PRSS55: variants seen among roughly 807,000 people sequenced by gnomAD.
PRSS55 encodes serine protease 55.
Under a neutral mutation model 23.6 loss-of-function variants are expected in PRSS55, and 41 were observed. The ratio of observed to expected loss-of-function variants is 1.74; its 90% confidence interval spans 1.35 to 2.26. The LOEUF (loss-of-function observed/expected upper bound fraction) is 2.26, where lower values mean the gene tolerates loss of function less well. PRSS55 is among the 30% of genes most tolerant of loss of function. The pLI, the probability that PRSS55 is intolerant of heterozygous loss-of-function variation, is 0.00. For missense variants in PRSS55, 669 were observed against 439.1 expected (o/e 1.52, Z -4.68); for synonymous variants, 262 against 175.5 (o/e 1.49, Z -3.90).
intron 3 of PRSS55, 113 bp from the exon 4 acceptor site, chr8:10,532,793 A>G (rs1812315606): frequency 1.5e-6 from 2 of 1,343,342 alleles, no homozygotes; most frequent in Admixed American, 2.0e-5. Flanking sequence ...AGAGCCTGTG[A>G]AGGAAGGGGA....
At chr8:10,549,798 T>C (rs531333541) in intron 4 of PRSS55, among the ~76,000 whole-genome samples, 22 of 152,334 alleles carry the variant, frequency 1.4e-4, no homozygotes, top group Middle Eastern at 3.4e-3. Context: ...CTCTGTCATT[T>C]CTCTAAACTG....
At chr8:10,554,041 T>A (rs1375431622) in exon 5 of PRSS55, 1 of 1,516,866 alleles carries the variant, frequency 6.6e-7, no homozygotes, top group Non-Finnish European at 8.8e-7. Flanking sequence ...GATGCTTTGC[T>A]CTTTCTTCTA....
intron 4 of PRSS55, among the ~76,000 whole-genome samples, chr8:10,535,618 A>G (rs1438235096): frequency 6.6e-6 from 1 of 152,242 alleles, no homozygotes; most frequent in East Asian, 1.9e-4. Flanking sequence ...GAAAACACTA[A>G]AAGAAAGTCA....
chr8:10,534,153 G>T (rs1001285949), intron 4 of PRSS55, among the ~76,000 whole-genome samples: 2 of 152,076 alleles, frequency 1.3e-5, no homozygotes, highest in African/African-American at 4.8e-5. Context: ...CATGCACACA[G>T]AATTGAGACT....
At chr8:10,529,374 A>G (rs1383464629) in intron 1 of PRSS55, 133 bp from the exon 2 acceptor site, 3 of 897,612 alleles carry the variant, frequency 3.3e-6, no homozygotes, top group Non-Finnish European at 3.7e-6. Context: ...CGGCAGCCTC[A>G]GTGAGCTCCT....
intron 4 of PRSS55, among the ~76,000 whole-genome samples, chr8:10,545,766 T>C (rs1351453262): frequency 6.6e-6 from 1 of 152,208 alleles, no homozygotes; most frequent in Non-Finnish European, 1.5e-5. Context: ...CAGTAAAAAC[T>C]CACAAAGCAT....
At chr8:10,529,779 GCTGAGAGGAAC>G in intron 2 of PRSS55, 80 bp downstream of exon 2, 1 of 1,397,172 alleles carries the variant, frequency 7.2e-7, no homozygotes, top group Non-Finnish European at 9.9e-7. Context: ...ACACCTGGTG[GCTGAGAGGAAC>G]CTGCGACTGC....
chr8:10,550,713 TG>T (rs1484313522), intron 4 of PRSS55, among the ~76,000 whole-genome samples: 1 of 152,206 alleles, frequency 6.6e-6, no homozygotes, highest in African/African-American at 2.4e-5. Context: ...TGTGTTACCT[TG>T]GTTTTTACTG....
At chr8:10,532,577 T>C (rs1384812023) in intron 3 of PRSS55, among the ~76,000 whole-genome samples, 1 of 152,202 alleles carries the variant, frequency 6.6e-6, no homozygotes, top group East Asian at 1.9e-4. Flanking sequence ...GGCAAATGTA[T>C]TGATATGGCA....
chr8:10,531,599 A>T, intron 3 of PRSS55, 54 bp downstream of exon 3: 1 of 1,597,406 alleles, frequency 6.3e-7, no homozygotes, highest in Non-Finnish European at 8.5e-7. Flanking sequence ...TGTGAAGGAG[A>T]GGGGAGGAAG....
downstream of PRSS55, among the ~76,000 whole-genome samples, chr8:10,543,029 C>G (rs1197643734): frequency 6.6e-6 from 1 of 152,122 alleles, no homozygotes; most frequent in Non-Finnish European, 1.5e-5. Flanking sequence ...TCTGATGTCA[C>G]CTTTCTCAAG....
rs1812004750 is a variant in PRSS55 at position 10,525,889 on chromosome 8, C to T, written c.154+150C>T. The stretch of plus-strand genomic sequence containing the variant: ...CACTTGTCCTTTCTCTCCTCTCTCC[C>T]CTGGCCCAGTGTTTGACTTGTCTAA... On this transcript the variant is annotated intron_variant, in intron 1 of 4. Coordinates refer to ENST00000328655, the MANE Select transcript of PRSS55 (RefSeq NM_198464.4). The T allele has an allele frequency of 6.8e-6, 6 of 884,620 alleles. No homozygotes were observed. The East Asian group carries it at 1.6e-4, about 24-fold the overall frequency. The allele number at this position is 884,620 out of a possible 1,614,324, so 54.8% of individuals were successfully genotyped here.
chr8:10,553,005 T>C (rs935031901), intron 4 of PRSS55, among the ~76,000 whole-genome samples: 9 of 152,218 alleles, frequency 5.9e-5, no homozygotes, highest in South Asian at 2.1e-4. Flanking sequence ...AGACATGAGA[T>C]GTGGTTTAGT....
At chr8:10,538,877 C>A, downstream of PRSS55, 1 of 1,362,670 alleles carries the variant, frequency 7.3e-7, no homozygotes, top group African/African-American at 1.5e-5. Flanking sequence ...CAGCTCAGGG[C>A]TCAAGGATGG....
downstream of PRSS55, among the ~76,000 whole-genome samples, chr8:10,543,445 A>T (rs201615793): frequency 0.16 from 3,918 of 24,158 alleles, 227 homozygotes; most frequent in Middle Eastern, 0.34. Flanking sequence ...CCTTCCTTCC[A>T]TCCTTCCTTC....
At chr8:10,531,185 T>TA in intron 2 of PRSS55, 110 bp from the exon 3 acceptor site, 1 of 1,361,022 alleles carries the variant, frequency 7.3e-7, no homozygotes, top group African/African-American at 1.4e-5. Flanking sequence ...CAGTAGGGTT[T>TA]AAAGGTCCTA....
At chr8:10,551,927 T>A (rs1412952487) in intron 4 of PRSS55, among the ~76,000 whole-genome samples, 1 of 152,238 alleles carries the variant, frequency 6.6e-6, no homozygotes, top group Admixed American at 6.5e-5. Context: ...CAAATGTTCC[T>A]GCCCAAAGAG....
At chr8:10,542,743 G>T (rs58024419), downstream of PRSS55, among the ~76,000 whole-genome samples, 44,758 of 151,442 alleles carry the variant, frequency 0.3, 7,212 homozygotes, top group South Asian at 0.47. Context: ...TGTGGTGGCG[G>T]GTGCCTGTAA....
At position 10,549,946 on chromosome 8, in the gene PRSS55, G is replaced by A. The variant is rs186832434; in HGVS notation, c.742-3997G>A. Among the ~76,000 whole-genome samples the A allele has an allele frequency of 2.2e-4, 33 of 152,274 alleles. No homozygotes were observed. In the East Asian group the frequency reaches 5.6e-3, roughly 26 times the overall value. On this transcript the variant is annotated intron_variant, in intron 4 of 4. Transcript: ENST00000522210. ...TCTTTTATTTTTAATTTTTGAGACA[G>A]TCTCAGTCTATTGCTCAGGCTGGAG... is the stretch of plus-strand genomic sequence containing the variant.
Sources: allele counts gnomAD v4.1 joint callset (sites outside exome capture counted in the v4.1 genomes callset), GRCh38; gene constraint gnomAD v4.1.1; transcripts MANE v1.5; gene names NCBI Gene and HGNC (gene_info 2026-07-23, HGNC 2026-07-21).